DOCK3: variants seen among roughly 807,000 people sequenced by gnomAD.
DOCK3 encodes dedicator of cytokinesis 3, also known as dedicator of cytokinesis protein 3.
A neutral mutation model predicts 265.6 loss-of-function variants in DOCK3; 60 were observed. The ratio of observed to expected loss-of-function variants is 0.23; its 90% CI spans 0.18 to 0.28. DOCK3 has a LOEUF of 0.28. Ranked by LOEUF, DOCK3 falls within the 10% of genes least tolerant of loss-of-function variation. The pLI is 1.00. For synonymous variants in DOCK3, 881 were observed against 938.0 expected (o/e 0.94, Z 1.11); for missense variants, 1,981 against 2,594.3 (o/e 0.76, Z 5.14).
intron 46 of DOCK3, among the ~76,000 whole-genome samples, chr3:51,358,395 T>C (rs547474608): frequency 2.0e-5 from 3 of 152,302 alleles, no homozygotes; most frequent in South Asian, 2.1e-4. Flanking sequence ...ATGGCCCACA[T>C]GTAGGGATCT....
chr3:50,934,069 T>A lies in DOCK3; in HGVS notation c.307T>A (p.Leu103Met). ...AGAATGGGCAAGTTTGTGGAAACAGTTGTATGTGGTAAGTAGTTGATTACT... is the reference window on the plus strand; with the variant it reads ...AGAATGGGCAAGTTTGTGGAAACAGATGTATGTGGTAAGTAGTTGATTACT... ...LQEWASLWKQ[L>M]YVKHKVDLFY... is the part of the protein sequence containing the mutation. The change falls in exon 5 of 53, where the codon TTG (leucine) becomes ATG (methionine). Residue 103 changes from leucine to methionine, a missense_variant. Leu to Met is a conservative substitution (Grantham distance 15, BLOSUM62 2). This residue lies in a region of DOCK3 where 456 missense variants were observed against 539.0 expected (regional missense o/e 0.85). Coordinates refer to ENST00000266037, the MANE Select transcript of DOCK3 (RefSeq NM_004947.5). 1 of 1,606,776 alleles carries A rather than the reference T, an allele frequency of 6.2e-7. No homozygotes were observed. Among genetic ancestry groups the A allele is most frequent in the Non-Finnish European group, 8.5e-7 (1 of 1,175,708 alleles).
intron 3 of DOCK3, among the ~76,000 whole-genome samples, chr3:50,845,451 G>A (rs1451249954): frequency 6.6e-6 from 1 of 152,096 alleles, no homozygotes; most frequent in African/African-American, 2.4e-5. Context: ...TAGGAACAGG[G>A]CCTTATGGAA....
chr3:50,908,176 AT>A (rs34822979), intron 4 of DOCK3, among the ~76,000 whole-genome samples: 10,544 of 102,946 alleles, frequency 0.1, 794 homozygotes, highest in East Asian at 0.35. Flanking sequence ...AGATTCATTG[AT>A]TTTTTTTTTT....
chr3:51,184,928 G>A (rs2087508927), intron 12 of DOCK3, among the ~76,000 whole-genome samples: 1 of 152,176 alleles, frequency 6.6e-6, no homozygotes, highest in Non-Finnish European at 1.5e-5. Context: ...CTTCATCTCT[G>A]TGATCTTCCT....
intron 27 of DOCK3, among the ~76,000 whole-genome samples, chr3:51,282,418 G>A (rs945172982): frequency 6.6e-5 from 10 of 152,100 alleles, no homozygotes; most frequent in African/African-American, 1.7e-4. Context: ...CAAGGCGGGC[G>A]GAGGCAGATC....
chr3:50,710,969 A>G (rs2036725734), intron 1 of DOCK3, among the ~76,000 whole-genome samples: 1 of 152,236 alleles, frequency 6.6e-6, no homozygotes, highest in Non-Finnish European at 1.5e-5. Context: ...ATGTAAAGAC[A>G]TAAGAAGAGG....
chr3:50,712,080 T>TA (rs2036809771), intron 1 of DOCK3, among the ~76,000 whole-genome samples: 1 of 152,196 alleles, frequency 6.6e-6, no homozygotes, highest in South Asian at 2.1e-4. Flanking sequence ...TCAATCCAAC[T>TA]AAAGGCCTGT....
intron 5 of DOCK3, among the ~76,000 whole-genome samples, chr3:50,999,858 T>C (rs1166559380): frequency 6.6e-6 from 1 of 152,196 alleles, no homozygotes; most frequent in Non-Finnish European, 1.5e-5. Context: ...CTCTGTTTCT[T>C]CAGCTTGGGT....
At chr3:50,803,031 T>TTC (rs2043152678) in intron 2 of DOCK3, among the ~76,000 whole-genome samples, 1 of 150,884 alleles carries the variant, frequency 6.6e-6, no homozygotes. Context: ...GAAATTCTTT[T>TTC]TTTTTTAAGA....
chr3:51,195,293 A>G (rs2088213174), intron 12 of DOCK3, among the ~76,000 whole-genome samples: 1 of 151,870 alleles, frequency 6.6e-6, no homozygotes, highest in African/African-American at 2.4e-5. Context: ...TTTTTATATA[A>G]TTTGGTTCCT....
At chr3:51,157,875 G>A (rs976476485) in intron 10 of DOCK3, among the ~76,000 whole-genome samples, 3 of 142,372 alleles carry the variant, frequency 2.1e-5, no homozygotes, top group African/African-American at 5.2e-5. Context: ...TCTCTTTCTC[G>A]GCTCACTGCA....
chr3:50,902,543 C>G (rs1575487023), intron 4 of DOCK3, among the ~76,000 whole-genome samples: 1 of 152,244 alleles, frequency 6.6e-6, no homozygotes, highest in Non-Finnish European at 1.5e-5. Context: ...GTCTGTGTGT[C>G]TGTTTTTGTA....
chr3:51,311,576 A>T (rs1202606440), intron 28 of DOCK3, among the ~76,000 whole-genome samples: 1 of 152,254 alleles, frequency 6.6e-6, no homozygotes, highest in Non-Finnish European at 1.5e-5. Flanking sequence ...TATAATAATA[A>T]AATTATGTTC....
At chr3:51,090,627 A>G (rs534816683) in intron 9 of DOCK3, among the ~76,000 whole-genome samples, 15 of 152,310 alleles carry the variant, frequency 9.8e-5, no homozygotes, top group African/African-American at 2.4e-5. Context: ...AGTCTTGGCT[A>G]TCACCACCTC....
chr3:50,925,824 CTTTTTTTTTTT>C (rs368819970), intron 4 of DOCK3, among the ~76,000 whole-genome samples: 1 of 88,424 alleles, frequency 1.1e-5, no homozygotes, highest in Admixed American at 1.1e-4. Flanking sequence ...TAAAACTAGT[CTTTTTTTTTTT>C]TTTTTTTTTT....
At chr3:51,233,840 T>C (rs1303511989) in intron 19 of DOCK3, among the ~76,000 whole-genome samples, 1 of 152,178 alleles carries the variant, frequency 6.6e-6, no homozygotes, top group Non-Finnish European at 1.5e-5. Context: ...TTTTAACATA[T>C]ACCACATTTT....
chr3:51,081,541 A>G (rs963847225), intron 7 of DOCK3, among the ~76,000 whole-genome samples: 39 of 152,178 alleles, frequency 2.6e-4, no homozygotes, highest in African/African-American at 9.4e-4. Flanking sequence ...AGGTTGAGTT[A>G]GGCATAAAAT....
At chr3:50,885,851 G>A (rs748680837) in intron 3 of DOCK3, among the ~76,000 whole-genome samples, 13 of 152,062 alleles carry the variant, frequency 8.5e-5, no homozygotes, top group Non-Finnish European at 1.5e-4. Flanking sequence ...GACCTTACTC[G>A]TGTGGGTGGG....
intron 3 of DOCK3, among the ~76,000 whole-genome samples, chr3:50,848,615 C>G (rs1362548131): frequency 6.6e-6 from 1 of 152,078 alleles, no homozygotes; most frequent in Non-Finnish European, 1.5e-5. Flanking sequence ...TAAAATAGGC[C>G]CCCAATCTCT....
Sources: allele counts gnomAD v4.1 joint callset (sites outside exome capture counted in the v4.1 genomes callset), GRCh38; gene constraint gnomAD v4.1.1; regional missense constraint gnomAD v4.1.1; transcripts MANE v1.5; gene names NCBI Gene and HGNC (gene_info 2026-07-23, HGNC 2026-07-21).